Variants in DOCK8 observed in about 807,000 individuals in gnomAD.
DOCK8 encodes dedicator of cytokinesis 8, also known as dedicator of cytokinesis protein 8.
DOCK8 carries 141 observed loss-of-function variants against 245.6 expected under a neutral mutation model. The observed-to-expected ratio is 0.57, with a 90% CI of 0.50 to 0.66. The LOEUF (loss-of-function observed/expected upper bound fraction) is 0.66, where lower values mean the gene tolerates loss of function less well. DOCK8 is among the 30% of genes least tolerant of loss of function. DOCK8 has a pLI of 0.00. For missense variants in DOCK8, 2,965 were observed against 2,603.4 expected (o/e 1.14, Z -3.02); for synonymous variants, 1,168 against 970.2 (o/e 1.20, Z -3.79).
intron 5 of DOCK8, 47 bp from the exon 6 acceptor site, chr9:311,907 T>C: frequency 1.9e-6 from 3 of 1,605,884 alleles, no homozygotes; most frequent in Non-Finnish European, 2.5e-6. Context: ...GGTTCTCATT[T>C]TAGACTTGCC....
At chr9:271,169 T>C (rs569392860) in intron 1 of DOCK8, among the ~76,000 whole-genome samples, 10 of 152,198 alleles carry the variant, frequency 6.6e-5, no homozygotes, top group Non-Finnish European at 1.2e-4. Flanking sequence ...ATACAACAGT[T>C]CTCTGGTGTT....
chr9:245,697 A>G (rs1346756286), intron 1 of DOCK8, among the ~76,000 whole-genome samples: 1 of 152,168 alleles, frequency 6.6e-6, no homozygotes, highest in East Asian at 1.9e-4. Context: ...GAATAAAGGA[A>G]AAAACTAACA....
chr9:324,825 TA>T (rs2050685782), intron 7 of DOCK8, among the ~76,000 whole-genome samples: 1 of 152,242 alleles, frequency 6.6e-6, no homozygotes, highest in Non-Finnish European at 1.5e-5. Flanking sequence ...TTCTATCCTT[TA>T]AATTTTTTTA....
At chr9:361,899 AAAGAT>A (rs1250563555) in intron 14 of DOCK8, among the ~76,000 whole-genome samples, 2 of 152,176 alleles carry the variant, frequency 1.3e-5, no homozygotes, top group Non-Finnish European at 2.9e-5. Context: ...CAGCCCTGTC[AAAGAT>A]AAAATTTTAT....
chr9:303,520 C>T (rs933468193), intron 4 of DOCK8, among the ~76,000 whole-genome samples: 10 of 152,098 alleles, frequency 6.6e-5, no homozygotes, highest in Admixed American at 5.9e-4. Context: ...GGCCATTATC[C>T]TAAACAAATT....
chr9:369,992 G>A (rs2053210719), intron 15 of DOCK8: 1 of 550,054 alleles, frequency 1.8e-6, no homozygotes, highest in South Asian at 2.0e-5. Flanking sequence ...TTGTAGAGAT[G>A]AGGTTTCGCC....
chr9:426,335 C>T (rs1473823324), intron 33 of DOCK8, among the ~76,000 whole-genome samples: 3 of 152,146 alleles, frequency 2.0e-5, no homozygotes, highest in Non-Finnish European at 4.4e-5. Context: ...ACGAAAGACC[C>T]CACGCACTTG....
At chr9:234,822 C>G (rs1587632906) in intron 1 of DOCK8, among the ~76,000 whole-genome samples, 1 of 151,832 alleles carries the variant, frequency 6.6e-6, no homozygotes, top group Non-Finnish European at 1.5e-5. Flanking sequence ...AAGCTTTTAA[C>G]TTCTTTGCCA....
upstream of DOCK8, chr9:212,990 G>A (rs896118505): frequency 6.6e-6 from 1 of 152,180 alleles, no homozygotes; most frequent in Non-Finnish European, 1.5e-5. Context: ...TGTATCATTC[G>A]TTGAGTCTCA....
At chr9:336,835 T>G in intron 12 of DOCK8, 117 bp downstream of exon 12, 1 of 1,231,450 alleles carries the variant, frequency 8.1e-7, no homozygotes, top group Non-Finnish European at 1.2e-6. Context: ...CTCACTCTCT[T>G]AGTTCATTTT....
chr9:238,066 G>A lies in DOCK8; in HGVS notation c.53+23037G>A, dbSNP rs551408307. On this transcript the variant is annotated intron_variant, in intron 1 of 47. Coordinates refer to ENST00000432829, the MANE Select transcript of DOCK8 (RefSeq NM_203447.4). Reference sequence around the variant, plus strand: ...TTTGTGACTATTTTTCTTTGCATTTGTTGACTCCTCTTGTTTTATTCACCT... The same window carrying A: ...TTTGTGACTATTTTTCTTTGCATTTATTGACTCCTCTTGTTTTATTCACCT... Among the ~76,000 whole-genome samples, 4 of 152,218 alleles carry A rather than the reference G, an allele frequency of 2.6e-5. No homozygotes were observed. In the East Asian group the frequency reaches 5.8e-4, roughly 22 times the overall value.
chr9:421,413 C>A (rs7042597), intron 32 of DOCK8, among the ~76,000 whole-genome samples: 2 of 151,994 alleles, frequency 1.3e-5, no homozygotes, highest in East Asian at 1.9e-4. Flanking sequence ...TCTATGTGAC[C>A]TTTGGCTAGT....
intron 1 of DOCK8, among the ~76,000 whole-genome samples, chr9:269,199 G>A (rs1214329119): frequency 6.6e-6 from 1 of 152,126 alleles, no homozygotes; most frequent in Non-Finnish European, 1.5e-5. Context: ...CTCATTAGCA[G>A]CCACTCTCCA....
intron 24 of DOCK8, among the ~76,000 whole-genome samples, chr9:391,886 C>G (rs2054207865): frequency 6.9e-6 from 1 of 144,010 alleles, no homozygotes; most frequent in Non-Finnish European, 1.5e-5. Flanking sequence ...CACTTGTAAT[C>G]CTAGCACTTT....
chr9:404,329 T>C (rs536685243), intron 26 of DOCK8, among the ~76,000 whole-genome samples: 24 of 152,236 alleles, frequency 1.6e-4, no homozygotes, highest in African/African-American at 5.5e-4. Flanking sequence ...CTAGCTTTCT[T>C]TCTCTTTCTT....
intron 3 of DOCK8, among the ~76,000 whole-genome samples, chr9:287,066 T>C (rs1032581153): frequency 6.6e-5 from 10 of 152,228 alleles, no homozygotes; most frequent in African/African-American, 1.7e-4. Context: ...CTTACAGTTA[T>C]GAGACTGGAT....
At chr9:266,472 G>A (rs1245133437) in intron 1 of DOCK8, among the ~76,000 whole-genome samples, 1 of 152,142 alleles carries the variant, frequency 6.6e-6, no homozygotes, top group African/African-American at 2.4e-5. Flanking sequence ...TGGAATTGCT[G>A]ACTTAAAATA....
intron 15 of DOCK8, chr9:368,466 C>T: frequency 1.7e-6 from 1 of 602,910 alleles, no homozygotes; most frequent in East Asian, 2.8e-5. Flanking sequence ...ACACGTGCGC[C>T]ATGTTTGCTG....
At chr9:351,965 C>G (rs1167005092) in intron 14 of DOCK8, among the ~76,000 whole-genome samples, 2 of 152,206 alleles carry the variant, frequency 1.3e-5, no homozygotes, top group Non-Finnish European at 1.5e-5. Flanking sequence ...CAATGATTCT[C>G]TAGACATGTC....
Sources: allele counts gnomAD v4.1 joint callset (sites outside exome capture counted in the v4.1 genomes callset), GRCh38; gene constraint gnomAD v4.1.1; transcripts MANE v1.5; gene names NCBI Gene and HGNC (gene_info 2026-07-23, HGNC 2026-07-21).